DPY19L1: variants seen among roughly 807,000 people sequenced by gnomAD.
The protein encoded by DPY19L1 is protein C-mannosyl-transferase DPY19L1.
A neutral mutation model predicts 96.9 loss-of-function variants in DPY19L1; 35 were observed. The observed-to-expected ratio is 0.36, with a 90% CI of 0.28 to 0.48. The LOEUF is 0.48. Among genes scored for constraint, DPY19L1 ranks in the 20% least tolerant of loss-of-function variants. The pLI is 0.99. For synonymous variants in DPY19L1, 205 were observed against 252.6 expected (o/e 0.81, Z 1.79); for missense variants, 521 against 777.9 (o/e 0.67, Z 3.93).
intron 14 of DPY19L1, among the ~76,000 whole-genome samples, chr7:34,949,340 T>C (rs1299274250): frequency 2.0e-5 from 3 of 152,192 alleles, no homozygotes; most frequent in African/African-American, 7.2e-5. Context: ...GGCTTCTGTC[T>C]CACAATCCAC....
Position 34,975,035 on chromosome 7 carries a change from T to C in DPY19L1, c.823-1430A>G, listed in dbSNP as rs74745105. ...TCCACCAATCAGCCACTCTCCCATC[T>C]GTCTCCCTCCCATCGGGCCTCCAAA... On this transcript the variant is annotated intron_variant, in intron 7 of 21. Coordinates refer to ENST00000638088, the MANE Select transcript of DPY19L1 (RefSeq NM_001366673.1). Among the ~76,000 whole-genome samples the C allele has an allele frequency of 6.5e-3, 991 of 152,252 alleles. 12 individuals carry two copies. The highest frequency in any genetic ancestry group is 0.023 in the African/African-American group (943 of 41,554).
intron 1 of DPY19L1, among the ~76,000 whole-genome samples, chr7:35,029,643 CA>C (rs1786213754): frequency 6.6e-6 from 1 of 151,826 alleles, no homozygotes. Flanking sequence ...CCAAGCCAAC[CA>C]ACACAAAAAA....
intron 6 of DPY19L1, among the ~76,000 whole-genome samples, chr7:35,002,769 G>C (rs1785458827): frequency 6.6e-6 from 1 of 152,150 alleles, no homozygotes; most frequent in South Asian, 2.1e-4. Flanking sequence ...AACCAACAAT[G>C]TTCTCTTTTC....
At chr7:34,939,055 T>C (rs1217174085) in intron 20 of DPY19L1, 2 of 436,850 alleles carry the variant, frequency 4.6e-6, no homozygotes, top group East Asian at 3.6e-5. Context: ...ATATGCCTGG[T>C]AGAGAAGAGA....
chr7:34,993,999 G>A (rs1785229971), intron 6 of DPY19L1, among the ~76,000 whole-genome samples: 1 of 152,148 alleles, frequency 6.6e-6, no homozygotes. Flanking sequence ...CGGGAAGGTG[G>A]AGGCTACAAT....
chr7:34,965,100 T>C (rs1391901537), intron 10 of DPY19L1, among the ~76,000 whole-genome samples: 1 of 152,132 alleles, frequency 6.6e-6, no homozygotes, highest in East Asian at 1.9e-4. Context: ...AAGTTGAACA[T>C]GTACATAATT....
intron 1 of DPY19L1, among the ~76,000 whole-genome samples, chr7:35,030,541 T>G (rs905112215): frequency 6.6e-6 from 1 of 152,164 alleles, no homozygotes; most frequent in African/African-American, 2.4e-5. Flanking sequence ...TTTAATAAAG[T>G]TAAAATTACA....
intron 10 of DPY19L1, among the ~76,000 whole-genome samples, chr7:34,959,927 A>ATATATATATATATATATATATATATT (rs1784466146): frequency 3.6e-5 from 1 of 27,406 alleles, no homozygotes; most frequent in African/African-American, 3.1e-4. Flanking sequence ...ATATATATTT[A>ATATATATATATATATATATATATATT]TATATATATA....
chr7:34,974,097 C>T (rs2128668784), intron 7 of DPY19L1, among the ~76,000 whole-genome samples: 1 of 152,128 alleles, frequency 6.6e-6, no homozygotes, highest in South Asian at 2.1e-4. Flanking sequence ...GCCTAAGCTG[C>T]CCTGGGTTGC....
chr7:35,033,745 T>A (rs1319465775), intron 1 of DPY19L1, among the ~76,000 whole-genome samples: 1 of 152,120 alleles, frequency 6.6e-6, no homozygotes, highest in East Asian at 1.9e-4. Flanking sequence ...CACTTCTGCC[T>A]CTAAGAAGTC....
At chr7:34,963,746 AT>A (rs1466796503) in intron 10 of DPY19L1, among the ~76,000 whole-genome samples, 13 of 152,098 alleles carry the variant, frequency 8.5e-5, no homozygotes, top group African/African-American at 9.7e-5. Flanking sequence ...ACCATGGACT[AT>A]TATTTAGCTT....
At chr7:34,956,956 G>A (rs999510849) in intron 11 of DPY19L1, among the ~76,000 whole-genome samples, 1 of 152,058 alleles carries the variant, frequency 6.6e-6, no homozygotes, top group African/African-American at 2.4e-5. Context: ...AGTGCAATAC[G>A]CTTTTAAAGT....
At chr7:34,957,240 G>A (rs1784398389) in intron 11 of DPY19L1, among the ~76,000 whole-genome samples, 1 of 152,030 alleles carries the variant, frequency 6.6e-6, no homozygotes, top group South Asian at 2.1e-4. Context: ...AAACTAGCCG[G>A]GCATGGTGGC....
At chr7:35,035,485 C>T (rs1238727105) in intron 1 of DPY19L1, among the ~76,000 whole-genome samples, 1 of 152,178 alleles carries the variant, frequency 6.6e-6, no homozygotes, top group East Asian at 1.9e-4. Flanking sequence ...GTTATTGTAA[C>T]ATCCCTGAAG....
intron 3 of DPY19L1, among the ~76,000 whole-genome samples, chr7:35,014,646 C>T (rs1467275650): frequency 1.3e-5 from 2 of 152,102 alleles, no homozygotes; most frequent in East Asian, 3.8e-4. Flanking sequence ...TCTGATGTAT[C>T]GACTCTGATA....
chr7:35,024,466 T>C (rs1269108062), intron 1 of DPY19L1, among the ~76,000 whole-genome samples: 2 of 152,194 alleles, frequency 1.3e-5, no homozygotes, highest in Non-Finnish European at 2.9e-5. Flanking sequence ...TTGGTTTCCC[T>C]GCCCCACAAG....
At chr7:34,963,283 T>G (rs2128788573) in intron 10 of DPY19L1, among the ~76,000 whole-genome samples, 2 of 151,134 alleles carry the variant, frequency 1.3e-5, no homozygotes, top group Admixed American at 1.3e-4. Flanking sequence ...AAAACCACGG[T>G]GAGATATCAC....
At chr7:34,942,479 A>G in intron 17 of DPY19L1, 136 bp downstream of exon 17, 1 of 722,552 alleles carries the variant, frequency 1.4e-6, no homozygotes, top group Non-Finnish European at 2.4e-6. Context: ...TAGCATTCTC[A>G]TAAAAACACA....
In DPY19L1 at chr7:34,949,871, T is replaced by C. The variant is rs1460711185; in HGVS notation, c.1348A>G (p.Lys450Glu). 2 of 1,598,356 alleles carry C rather than the reference T, an allele frequency of 1.3e-6. No individual in the cohort carries two copies. ...TCAAAATCCTTATAACTAAAGAATTTTGATGTTAGTAAGTTGCCAATATGA... is the reference window on the plus strand; with the variant it reads ...TCAAAATCCTTATAACTAAAGAATTCTGATGTTAGTAAGTTGCCAATATGA... ...DAHIGNLLTS[K>E]FFSYKDFDTL... Residue 450 changes from lysine (K) to glutamate (E), a missense_variant, in exon 14 of 22, where the codon AAA becomes GAA. Coordinates refer to ENST00000638088, the MANE Select transcript of DPY19L1 (RefSeq NM_001366673.1).
Sources: gnomAD v4.1 joint callset for allele counts (sites outside exome capture counted in the v4.1 genomes callset) on GRCh38, gnomAD v4.1.1 for gene constraint, MANE v1.5 for transcripts, NCBI Gene and HGNC (gene_info 2026-07-23, HGNC 2026-07-21) for gene names.